ACAP3: variants seen among roughly 807,000 people sequenced by gnomAD.
The protein encoded by ACAP3 is arf-GAP with coiled-coil, ANK repeat and PH domain-containing protein 3.
ACAP3 carries 56 observed loss-of-function variants against 104.1 expected under a neutral mutation model. The observed-to-expected ratio is 0.54, with a 90% CI of 0.43 to 0.67. ACAP3 has a LOEUF of 0.67. Among genes scored for constraint, ACAP3 ranks in the 30% least tolerant of loss-of-function variants. ACAP3 has a pLI of 0.00. For synonymous variants in ACAP3, 628 were observed against 496.2 expected (o/e 1.27, Z -3.53); for missense variants, 1,208 against 1,174.9 (o/e 1.03, Z -0.41).
At chr1:1,294,246 T>C in intron 21 of ACAP3, 47 bp from the exon 22 acceptor site, 1 of 1,537,512 alleles carries the variant, frequency 6.5e-7, no homozygotes, top group East Asian at 2.4e-5. Context: ...CCGGCCCCTC[T>C]CCGCGCCTCT....
chr1:1,295,994 C>G (rs777978101), intron 17 of ACAP3, 21 bp downstream of exon 17: 2 of 1,612,770 alleles, frequency 1.2e-6, no homozygotes, highest in South Asian at 1.1e-5. Flanking sequence ...CCTGACTGAT[C>G]CAGACTGTAC....
chr1:1,298,609 T>C lies in ACAP3; in HGVS notation c.821A>G (p.Tyr274Cys). The C allele has an allele frequency of 1.9e-6, 3 of 1,606,290 alleles. No individual in the cohort carries two copies. Among genetic ancestry groups the C allele is most frequent in the Non-Finnish European group, 2.5e-6 (3 of 1,178,678 alleles). ...AGCGTTGCTGGCCCTCTTGAAGAGG[T>C]AGCCCTCCATCACCACCCCACTGGG... ...DAPSGVVMEG[Y>C]LFKRASNAFK... is the part of the protein sequence containing the mutation. Residue 274 changes from tyrosine to cysteine, a missense_variant, in exon 11 of 24, where the codon TAC becomes TGC. By Grantham distance (194) the Tyr-to-Cys change is radical. Transcript: ENST00000354700.
chr1:1,293,767 G>GGCCCCGCCCCTGCCCTGGA (rs2100383387), intron 23 of ACAP3, 56 bp downstream of exon 23: 9 of 1,386,458 alleles, frequency 6.5e-6, no homozygotes, highest in Middle Eastern at 4.6e-4. Flanking sequence ...CTGCCCTGGA[G>GGCCCCGCCCCTGCCCTGGA]GCCCCGCCCC....
At chr1:1,301,068 G>A (rs1641421094) in intron 5 of ACAP3, among the ~76,000 whole-genome samples, 1 of 151,910 alleles carries the variant, frequency 6.6e-6, no homozygotes, top group Non-Finnish European at 1.5e-5. Context: ...CGCCTGGCCT[G>A]GTTTTGTTTG....
rs1167446327 is a variant in ACAP3, at chr1:1,296,520, G to A, written c.1242C>T (p.Gly414=). Residue 414 remains glycine, a synonymous_variant, in exon 15 of 24, where the codon GGC becomes GGT. Transcript: ENST00000354700. The stretch of plus-strand genomic sequence containing the variant: ...GGCCGCAGTCGCCGCACTGGCTGTT[G>A]CCGGCCACACTCTGCACACGCTGCA... The part of the protein sequence containing the change: ...SVLQRVQSVA[G]NSQCGDCGQP... The A allele has an allele frequency of 1.9e-6, 3 of 1,540,482 alleles. No homozygotes were observed. Among genetic ancestry groups the A allele is most frequent in the East Asian group, 2.4e-5 (1 of 40,924 alleles).
chr1:1,294,732 C>A lies in ACAP3; in HGVS notation c.1898G>T (p.Ser633Ile). 6.5e-7 allele frequency: 1 copy of A among 1,549,766 alleles called. No individual in the cohort carries two copies. Among genetic ancestry groups the A allele is most frequent in the Non-Finnish European group, 8.7e-7 (1 of 1,146,692 alleles). The part of the protein sequence containing the change: ...LAFGSGSVVD[S>I]VTEEEGAESE... ...ACGCCACCCACCCTCCTCAGTGACG[C>A]TGTCCACCACAGAGCCCGAGCCGAA... The change falls in exon 20 of 24, where the codon AGC becomes ATC. Residue 633 changes from serine to isoleucine, a missense_variant. Physicochemically the swap from Ser to Ile is moderately radical, Grantham distance 142. Coordinates refer to ENST00000354700, the MANE Select transcript of ACAP3 (RefSeq NM_030649.3).
Position 1,294,510 on chromosome 1 carries a change from ACGCGCTG to A in ACAP3, c.2024_2030del (p.Ala675ValfsTer36). 2 of 1,524,342 alleles carry A rather than the reference ACGCGCTG, an allele frequency of 1.3e-6. No homozygotes were observed. The highest frequency in any genetic ancestry group is 2.5e-5 in the East Asian group (1 of 40,006). 94.4% of individuals were successfully genotyped at this position (1,524,342 alleles called of 1,614,324 possible). On this transcript the variant is annotated frameshift_variant, in exon 21 of 24. Coordinates refer to ENST00000354700, the MANE Select transcript of ACAP3 (RefSeq NM_030649.3). LOFTEE classifies it high-confidence loss of function. ...CCGCCAGCGCAGGAAGGTCGCGGGC[ACGCGCTG>A]CGCGGTGCGCCAAGAGCCCCGGGTG... is the stretch of plus-strand genomic sequence containing the variant.
chr1:1,298,528 G>A (rs779697188), intron 11 of ACAP3, 39 bp downstream of exon 11: 32 of 264,492 alleles, frequency 1.2e-4, no homozygotes, highest in African/African-American at 4.9e-4. Flanking sequence ...CCCCACCCCC[G>A]CCTAAGGACC....
At position 1,300,818 on chromosome 1, in the gene ACAP3, C is replaced by T; in HGVS notation, c.339-126G>A. ...CGGAGTTTCGCTCTTGTCACCCAGG[C>T]TGGAGTGCAATGGTGCTGTCTCGGC... On this transcript the variant is annotated intron_variant, in intron 5 of 23. Transcript: ENST00000354700. 6.2e-6 allele frequency: 6 copies of T among 975,478 alleles called. No individual in the cohort carries two copies. The East Asian group carries it at 1.6e-4, about 27-fold the overall frequency. The allele number at this position is 975,478 out of a possible 1,614,324, so 60.4% of individuals were successfully genotyped here. A position where few individuals can be genotyped will look rare whatever the true frequency, so the allele number is the denominator to read the frequency against.
In ACAP3 at chr1:1,299,224, G is replaced by A. The variant is rs987028419; in HGVS notation, c.750+121C>T. 21 of 1,295,542 alleles carry A rather than the reference G, an allele frequency of 1.6e-5. No individual in the cohort carries two copies. The East Asian group carries it at 2.1e-4, about 13-fold the overall frequency. 80.3% of individuals were successfully genotyped at this position (1,295,542 alleles called of 1,614,324 possible). A position where few individuals can be genotyped will look rare whatever the true frequency, so the allele number is the denominator to read the frequency against. The stretch of plus-strand genomic sequence containing the variant: ...CCCCTCACAGCCGCATCAGCAGCAG[G>A]AGCCGAGACTGGTGGGAGGTGTCCT... On this transcript the variant is annotated intron_variant, in intron 10 of 23. Coordinates refer to ENST00000354700, the MANE Select transcript of ACAP3 (RefSeq NM_030649.3).
Position 1,307,788 on chromosome 1 carries a change from TGA to T in ACAP3, c.26_27del (p.Val9GlufsTer11). On this transcript the variant is annotated frameshift_variant, in exon 1 of 24. Transcript: ENST00000354700. LOFTEE classifies it high-confidence loss of function. ...GCGCACCTGAAGCGCGGGGAGTCCT[TGA>T]CGCACTCCTCGAACTCCACGGTCAT... MTVEFEEC[V>X]KDSPRFRATI... The T allele has an allele frequency of 9.2e-7, 1 of 1,086,694 alleles. No homozygotes were observed. 67.3% of individuals were successfully genotyped at this position (1,086,694 alleles called of 1,614,324 possible). A position where few individuals can be genotyped will look rare whatever the true frequency, so the allele number is the denominator to read the frequency against.
Position 1,303,266 on chromosome 1 carries a change from T to C in ACAP3, c.121A>G (p.Ser41Gly), listed in dbSNP as rs1641531621. The C allele has an allele frequency of 2.5e-6, 4 of 1,593,244 alleles. 1 individual carries two copies. The highest frequency in any genetic ancestry group is 2.3e-5 in the East Asian group (1 of 43,944). ...AKLDKLVKLCSGMVEAGKAYV... is the reference protein window; with the variant it reads ...AKLDKLVKLCGGMVEAGKAYV... ...GCCTTACCGGCTTCCACCATGCCACTGCACAGCTTCACCAGCTGTGGGCCA... is the reference window on the plus strand; with the variant it reads ...GCCTTACCGGCTTCCACCATGCCACCGCACAGCTTCACCAGCTGTGGGCCA... The change falls in exon 3 of 24, where the codon AGT (serine) becomes GGT (glycine). Residue 41 changes from serine (S) to glycine (G), a missense_variant. Physicochemically the swap from Ser to Gly is moderately conservative, Grantham distance 56. Transcript: ENST00000354700. This position sits in a 1 kb window ranked among gnomAD's most constrained non-coding sequence, Gnocchi z 4.0.
At chr1:1,302,812 A>T in intron 4 of ACAP3, 110 bp downstream of exon 4, 1 of 140,660 alleles carries the variant, frequency 7.1e-6, no homozygotes. Context: ...CCCCCCGACT[A>T]GAGGAGCAGA....
chr1:1,296,215 A>G lies in ACAP3; in HGVS notation c.1403T>C (p.Leu468Pro). 1.3e-6 allele frequency: 2 copies of G among 1,575,106 alleles called. No homozygotes were observed. Among genetic ancestry groups the G allele is most frequent in the Non-Finnish European group, 1.7e-6 (2 of 1,159,792 alleles). Residue 468 changes from leucine to proline, a missense_variant, in exon 16 of 24, where the codon CTA becomes CCA. Coordinates refer to ENST00000354700, the MANE Select transcript of ACAP3 (RefSeq NM_030649.3). ...CTCCAGGAGCCCCACACGCACCTTT[A>G]GCAGCTCAGGCTCCCACGAGTCCAG... ...LTLDSWEPELLKLMCELGNSA... is the reference protein window; with the variant it reads ...LTLDSWEPELPKLMCELGNSA...
rs1250518263 is a variant in ACAP3 at position 1,296,595 on chromosome 1, G to C, written c.1167C>G (p.Ile389Met). The C allele has an allele frequency of 2.6e-6, 4 of 1,539,140 alleles. No homozygotes were observed. The African/African-American group carries it at 4.1e-5, about 16-fold the overall frequency. The change falls in exon 15 of 24, where the codon ATC (isoleucine) becomes ATG (methionine). Residue 389 changes from isoleucine (I) to methionine (M), a missense_variant. Physicochemically the swap from Ile to Met is conservative, Grantham distance 10 (BLOSUM62 1). Coordinates refer to ENST00000354700, the MANE Select transcript of ACAP3 (RefSeq NM_030649.3). ...GCTCCCGAGTGTCGGTGGCGGAGTC[G>C]ATGCTGCTCGTGGACGGGGATGCTG... The part of the protein sequence containing the change: ...DRTASPSTSS[I>M]DSATDTRERG...
chr1:1,302,255 T>A (rs1046965944), intron 4 of ACAP3, among the ~76,000 whole-genome samples: 1 of 152,126 alleles, frequency 6.6e-6, no homozygotes, highest in African/African-American at 2.4e-5. Flanking sequence ...CCTGCCCCTC[T>A]GTCCCACCTG....
chr1:1,300,374 T>C (rs1641391578), intron 6 of ACAP3, 135 bp downstream of exon 6: 1 of 1,231,282 alleles, frequency 8.1e-7, no homozygotes, highest in African/African-American at 1.5e-5. Flanking sequence ...TGCTTCCCCA[T>C]GTCTGGAGTT....
At chr1:1,298,181 T>C in intron 12 of ACAP3, 68 bp from the exon 13 acceptor site, 1 of 1,563,762 alleles carries the variant, frequency 6.4e-7, no homozygotes, top group Admixed American at 1.9e-5. Context: ...ACTTCCTGCT[T>C]CACCTTGGAG....
intron 20 of ACAP3, 27 bp downstream of exon 20, chr1:1,294,691 C>A: frequency 6.5e-7 from 1 of 1,547,838 alleles, no homozygotes; most frequent in Non-Finnish European, 8.7e-7. Context: ...GGGCAGGGGC[C>A]TCGGGCGAGG....
Sources: allele counts gnomAD v4.1 joint callset (sites outside exome capture counted in the v4.1 genomes callset), GRCh38; gene constraint gnomAD v4.1.1; non-coding constraint Gnocchi (gnomAD v3.1); transcripts MANE v1.5; gene names NCBI Gene and HGNC (gene_info 2026-07-23, HGNC 2026-07-21).